ITPR2: variants seen among roughly 807,000 people sequenced by gnomAD.
ITPR2 encodes the protein inositol 1,4,5-trisphosphate receptor type 2.
Under a neutral mutation model 317.1 loss-of-function variants are expected in ITPR2, and 207 were observed. That is an observed-to-expected ratio of 0.65 (90% CI 0.58 to 0.73). The LOEUF is 0.73. Among genes scored for constraint, ITPR2 ranks in the 30% least tolerant of loss-of-function variants. The pLI, the probability that ITPR2 is intolerant of heterozygous loss-of-function variation, is 0.00. For missense variants in ITPR2, 2,613 were observed against 3,284.0 expected (o/e 0.80, Z 4.99); for synonymous variants, 1,156 against 1,149.1 (o/e 1.01, Z -0.12).
intron 9 of ITPR2, among the ~76,000 whole-genome samples, chr12:26,707,966 A>G (rs1376041211): frequency 6.6e-6 from 1 of 152,240 alleles, no homozygotes; most frequent in Non-Finnish European, 1.5e-5. Context: ...TCAAAAGAAG[A>G]CATACAAATG....
At chr12:26,408,685 A>G (rs1316140724) in intron 52 of ITPR2, among the ~76,000 whole-genome samples, 3 of 152,190 alleles carry the variant, frequency 2.0e-5, no homozygotes, top group African/African-American at 7.2e-5. Context: ...CTCTGGAACA[A>G]CAAGTACTAG....
intron 37 of ITPR2, among the ~76,000 whole-genome samples, chr12:26,504,047 T>TA (rs1943131521): frequency 6.6e-6 from 1 of 152,206 alleles, no homozygotes; most frequent in South Asian, 2.1e-4. Context: ...AAATAACACT[T>TA]ACTTGTGGAT....
chr12:26,379,152 A>G (rs1243322504), intron 55 of ITPR2, among the ~76,000 whole-genome samples: 1 of 152,198 alleles, frequency 6.6e-6, no homozygotes, highest in Non-Finnish European at 1.5e-5. Context: ...AAGCTGTGCC[A>G]CTTTGGGCAA....
intron 9 of ITPR2, among the ~76,000 whole-genome samples, chr12:26,699,575 T>A (rs1381372658): frequency 1.3e-5 from 2 of 152,216 alleles, no homozygotes; most frequent in Non-Finnish European, 2.9e-5. Flanking sequence ...CAGGCTGCAA[T>A]ATGATTTTTT....
At chr12:26,464,144 G>A (rs1486884900) in intron 45 of ITPR2, among the ~76,000 whole-genome samples, 2 of 152,114 alleles carry the variant, frequency 1.3e-5, no homozygotes, top group Admixed American at 6.5e-5. Context: ...CAGTTTTGTG[G>A]AAAGCAATTT....
At chr12:26,696,954 G>A (rs923081667) in intron 9 of ITPR2, among the ~76,000 whole-genome samples, 3 of 152,222 alleles carry the variant, frequency 2.0e-5, no homozygotes, top group African/African-American at 7.2e-5. Flanking sequence ...AGAAAGTGGA[G>A]GGAAAAGATG....
At chr12:26,752,441 A>G (rs1949440077) in intron 2 of ITPR2, among the ~76,000 whole-genome samples, 1 of 152,216 alleles carries the variant, frequency 6.6e-6, no homozygotes, top group African/African-American at 2.4e-5. Flanking sequence ...AAAACCCACC[A>G]AAACCAAGAT....
chr12:26,514,818 T>G (rs1014015552), intron 37 of ITPR2, among the ~76,000 whole-genome samples: 1 of 152,222 alleles, frequency 6.6e-6, no homozygotes, highest in African/African-American at 2.4e-5. Flanking sequence ...GAGCTGACTA[T>G]AAAATAGTTC....
chr12:26,559,292 C>T (rs1464080664), intron 35 of ITPR2, among the ~76,000 whole-genome samples: 1 of 152,198 alleles, frequency 6.6e-6, no homozygotes, highest in Non-Finnish European at 1.5e-5. Flanking sequence ...TTAATATGTG[C>T]CTTAATCTGT....
intron 2 of ITPR2, among the ~76,000 whole-genome samples, chr12:26,771,308 TC>T (rs1280312527): frequency 1.3e-5 from 2 of 152,148 alleles, no homozygotes; most frequent in African/African-American, 4.8e-5. Flanking sequence ...GAATCTACTT[TC>T]CTTGTATTCC....
intron 55 of ITPR2, among the ~76,000 whole-genome samples, chr12:26,374,188 T>C (rs1939272632): frequency 1.3e-5 from 2 of 152,370 alleles, no homozygotes; most frequent in Admixed American, 1.3e-4. Context: ...AACTTTTGGT[T>C]AGACAAAGGA....
At chr12:26,634,909 A>G (rs1946833179) in intron 21 of ITPR2, among the ~76,000 whole-genome samples, 2 of 133,936 alleles carry the variant, frequency 1.5e-5, no homozygotes, top group African/African-American at 2.7e-5. Context: ...AAAAAAAAAA[A>G]GGAAGGGACT....
intron 21 of ITPR2, among the ~76,000 whole-genome samples, chr12:26,646,241 G>A (rs982595413): frequency 2.6e-5 from 4 of 151,630 alleles, no homozygotes; most frequent in Admixed American, 6.6e-5. Flanking sequence ...GACTAACCTC[G>A]TAGTTTTATA....
At chr12:26,785,723 T>C (rs12815470) in intron 2 of ITPR2, among the ~76,000 whole-genome samples, 3 of 23,610 alleles carry the variant, frequency 1.3e-4, no homozygotes, top group African/African-American at 2.4e-4. Flanking sequence ...GTCCCCCGCC[T>C]GGCCAGCCGC....
intron 45 of ITPR2, among the ~76,000 whole-genome samples, chr12:26,443,863 C>T (rs559304461): frequency 6.6e-6 from 1 of 152,210 alleles, no homozygotes; most frequent in East Asian, 1.9e-4. Context: ...AAATTTATGT[C>T]TTCAATAAAT....
chr12:26,398,543 A>G (rs1377574405), intron 54 of ITPR2, among the ~76,000 whole-genome samples: 2 of 152,252 alleles, frequency 1.3e-5, no homozygotes, highest in Non-Finnish European at 2.9e-5. Context: ...TAACAAAATT[A>G]AATGTGATTC....
intron 34 of ITPR2, among the ~76,000 whole-genome samples, chr12:26,562,785 G>A (rs1209658106): frequency 6.7e-6 from 1 of 149,208 alleles, no homozygotes; most frequent in East Asian, 2.0e-4. Flanking sequence ...GGAAGGGGGG[G>A]AGGGATAGCA....
At chr12:26,780,636 G>T (rs1450829189) in intron 2 of ITPR2, among the ~76,000 whole-genome samples, 1 of 152,148 alleles carries the variant, frequency 6.6e-6, no homozygotes, top group Admixed American at 6.5e-5. Flanking sequence ...CAGGGTTGGG[G>T]CAAAGTTATC....
intron 20 of ITPR2, 24 bp from the exon 21 acceptor site, chr12:26,654,150 G>T: frequency 2.0e-6 from 3 of 1,512,202 alleles, no homozygotes; most frequent in Non-Finnish European, 2.6e-6. Context: ...AAAAAGCGGG[G>T]AGGGGGAGGG....
Sources: gnomAD v4.1 joint callset for allele counts (sites outside exome capture counted in the v4.1 genomes callset) on GRCh38, gnomAD v4.1.1 for gene constraint, MANE v1.5 for transcripts, NCBI Gene and HGNC (gene_info 2026-07-23, HGNC 2026-07-21) for gene names.